Variants in PCDH11X observed in about 807,000 individuals in gnomAD.
The protein encoded by PCDH11X is protocadherin-11 X-linked.
Under a neutral mutation model 53.3 loss-of-function variants are expected in PCDH11X, and 18 were observed. The ratio of observed to expected loss-of-function variants is 0.34; its 90% CI spans 0.23 to 0.50. The LOEUF (loss-of-function observed/expected upper bound fraction) is 0.50, where lower values mean the gene tolerates loss of function less well. Ranked by LOEUF, PCDH11X falls within the 20% of genes least tolerant of loss-of-function variation. The pLI is 0.98. For synonymous variants in PCDH11X, 279 were observed against 393.3 expected (o/e 0.71, Z 3.44); for missense variants, 570 against 1,032.4 (o/e 0.55, Z 6.14).
intron 1 of PCDH11X, among the ~76,000 whole-genome samples, chrX:91,800,926 C>A (rs1569385356): frequency 9.3e-6 from 1 of 107,466 alleles, no homozygotes; most frequent in African/African-American, 3.4e-5. Flanking sequence ...GGCCTGTAAT[C>A]CCAGTATTTT....
chrX:92,163,030 G>T (rs375549925), intron 6 of PCDH11X, among the ~76,000 whole-genome samples: 2 of 99,207 alleles, frequency 2.0e-5, no homozygotes, highest in Admixed American at 2.3e-4. Context: ...GTGGATGGGG[G>T]TGTGGTTTCC....
chrX:92,144,160 A>G (rs112151872), intron 6 of PCDH11X, among the ~76,000 whole-genome samples: 8,482 of 109,730 alleles, frequency 0.077, 1,001 homozygotes, highest in African/African-American at 0.28. Context: ...AGGCAGAAGG[A>G]ACTTGCCTTG....
At chrX:92,598,264 G>A (rs1349110944) in intron 10 of PCDH11X, among the ~76,000 whole-genome samples, 2 of 110,208 alleles carry the variant, frequency 1.8e-5, no homozygotes, top group Admixed American at 1.9e-4. Context: ...CAGAATGGAA[G>A]AAAATATTTG....
rs1213428765 is a variant in PCDH11X, at chrX:92,399,157, C to A, written c.3343+11224C>A. Reference sequence around the variant, plus strand: ...GCAGTGAGCTGAGATAGCGCCACTGCACTCCAGCCTGGGCAACAGAGCCAG... The same window carrying A: ...GCAGTGAGCTGAGATAGCGCCACTGAACTCCAGCCTGGGCAACAGAGCCAG... On this transcript the variant is annotated intron_variant, in intron 9 of 10. Transcript: ENST00000682573. 4.8e-5 allele frequency among the ~76,000 whole-genome samples: 5 copies of A among 104,124 alleles called. No homozygotes were observed. The Admixed American group carries it at 5.2e-4, about 11-fold the overall frequency. 90.4% of individuals were successfully genotyped at this position (104,124 alleles called of 115,157 possible). A position where few individuals can be genotyped will look rare whatever the true frequency, so the allele number is the denominator to read the frequency against.
At position 92,112,741 on chromosome X, in the gene PCDH11X, C is replaced by G. The variant is rs567358193; in HGVS notation, c.3034-88634C>G. Among the ~76,000 whole-genome samples, 24 of 107,223 alleles carry G rather than the reference C, an allele frequency of 2.2e-4. No individual in the cohort carries two copies. In the South Asian group the frequency reaches 9.1e-3, roughly 41 times the overall value. The allele number at this position is 107,223 out of a possible 115,157, so 93.1% of individuals were successfully genotyped here. ...GCTATTAGTTTGTTCAGCCATTTTT[C>G]AATTTTTTTTTAAATCATGGCACCT... is the stretch of plus-strand genomic sequence containing the variant. On this transcript the variant is annotated intron_variant, in intron 6 of 10. Transcript: ENST00000682573.
At chrX:92,106,609 ATAT>A (rs1342484826) in intron 6 of PCDH11X, among the ~76,000 whole-genome samples, 1 of 111,980 alleles carries the variant, frequency 8.9e-6, no homozygotes, top group Non-Finnish European at 1.9e-5. Flanking sequence ...GTTGATTAAA[ATAT>A]TATAAAAACT....
At chrX:91,859,722 C>T (rs1301347590) in intron 5 of PCDH11X, among the ~76,000 whole-genome samples, 2 of 96,445 alleles carry the variant, frequency 2.1e-5, no homozygotes, top group Admixed American at 1.1e-4. Context: ...GGAACCCTTT[C>T]CCCATTGCTT....
intron 7 of PCDH11X, among the ~76,000 whole-genome samples, chrX:92,214,061 CTG>C (rs2066640761): frequency 9.0e-6 from 1 of 111,584 alleles, no homozygotes; most frequent in African/African-American, 3.3e-5. Context: ...GTTGATAACA[CTG>C]AAACCAAGCT....
At chrX:92,590,714 C>T (rs1924945577) in intron 10 of PCDH11X, among the ~76,000 whole-genome samples, 1 of 110,624 alleles carries the variant, frequency 9.0e-6, no homozygotes, top group South Asian at 3.9e-4. Context: ...AAGGAATGCT[C>T]CTCTGGTCTG....
chrX:92,178,391 A>G (rs2065943283), intron 6 of PCDH11X, among the ~76,000 whole-genome samples: 1 of 111,710 alleles, frequency 9.0e-6, no homozygotes, highest in Non-Finnish European at 1.9e-5. Flanking sequence ...CCAGAATCAA[A>G]CATTAAATTT....
At chrX:92,068,732 G>T (rs1405198065) in intron 6 of PCDH11X, among the ~76,000 whole-genome samples, 1 of 109,486 alleles carries the variant, frequency 9.1e-6, no homozygotes, top group Non-Finnish European at 1.9e-5. Context: ...TAGAGACGGG[G>T]TTTTACCATG....
At chrX:92,413,010 T>A (rs1272230898) in intron 9 of PCDH11X, among the ~76,000 whole-genome samples, 1 of 94,338 alleles carries the variant, frequency 1.1e-5, no homozygotes, top group Non-Finnish European at 2.1e-5. Flanking sequence ...ATTTATGTTG[T>A]TTTCTGTGAA....
At chrX:92,126,632 A>C (rs2064867871) in intron 6 of PCDH11X, among the ~76,000 whole-genome samples, 1 of 108,678 alleles carries the variant, frequency 9.2e-6, no homozygotes, top group African/African-American at 3.5e-5. Context: ...ATAAAAAATA[A>C]AAAAATTAAA....
intron 10 of PCDH11X, among the ~76,000 whole-genome samples, chrX:92,570,015 CA>C (rs766388753): frequency 0.11 from 3,392 of 31,888 alleles, 127 homozygotes; most frequent in African/African-American, 0.33. Context: ...GACTCAGTCT[CA>C]AAAAAAAAAA....
intron 8 of PCDH11X, among the ~76,000 whole-genome samples, chrX:92,268,482 G>A (rs746231687): frequency 8.1e-5 from 9 of 110,504 alleles, no homozygotes; most frequent in South Asian, 3.8e-4. Flanking sequence ...TAGTAGAGAC[G>A]GGGTTTCACC....
intron 6 of PCDH11X, among the ~76,000 whole-genome samples, chrX:92,074,082 T>C (rs1216832673): frequency 9.0e-6 from 1 of 111,681 alleles, no homozygotes; most frequent in Admixed American, 9.5e-5. Context: ...TATAAATGCA[T>C]GATTTTATAA....
chrX:92,037,403 G>A (rs2063142516), intron 6 of PCDH11X, among the ~76,000 whole-genome samples: 1 of 111,275 alleles, frequency 9.0e-6, no homozygotes, highest in African/African-American at 3.3e-5. Flanking sequence ...TCCTTTTTAC[G>A]GCTGCATAGT....
intron 6 of PCDH11X, among the ~76,000 whole-genome samples, chrX:91,975,296 G>T (rs1312857310): frequency 8.9e-6 from 1 of 112,078 alleles, no homozygotes; most frequent in Non-Finnish European, 1.9e-5. Context: ...ATGACACAAA[G>T]ATTTTTGGCT....
At chrX:92,226,738 G>A (rs1002742534) in intron 7 of PCDH11X, among the ~76,000 whole-genome samples, 16 of 110,722 alleles carry the variant, frequency 1.4e-4, no homozygotes, top group African/African-American at 4.9e-4. Context: ...GCTGCCAGAC[G>A]GGAGGGCAGG....
Sources: gnomAD v4.1 joint callset for allele counts (sites outside exome capture counted in the v4.1 genomes callset) on GRCh38, gnomAD v4.1.1 for gene constraint, MANE v1.5 for transcripts, NCBI Gene and HGNC (gene_info 2026-07-23, HGNC 2026-07-21) for gene names.